SLC39A10: variants seen among roughly 807,000 people sequenced by gnomAD.
The protein encoded by SLC39A10 is zinc transporter ZIP10.
Under a neutral mutation model 65.1 loss-of-function variants are expected in SLC39A10, and 13 were observed. The observed-to-expected ratio is 0.20, with a 90% CI of 0.13 to 0.32. The LOEUF is 0.32. Among genes scored for constraint, SLC39A10 ranks in the 10% least tolerant of loss-of-function variants. The pLI, the probability that SLC39A10 is intolerant of heterozygous loss-of-function variation, is 1.00. For synonymous variants in SLC39A10, 321 were observed against 342.2 expected, an observed-to-expected ratio of 0.94 and a Z score of 0.68; for missense variants, 831 against 1,018.4, an observed-to-expected ratio of 0.82 and a Z score of 2.50.
chr2:195,684,379 T>A (rs970813211), intron 3 of SLC39A10, among the ~76,000 whole-genome samples: 14 of 152,098 alleles, frequency 9.2e-5, no homozygotes, highest in Non-Finnish European at 1.8e-4. Context: ...ACATGTGAAC[T>A]TTATTATGGG....
chr2:195,645,289 T>C (rs1241140329), intron 2 of SLC39A10, among the ~76,000 whole-genome samples: 1 of 152,150 alleles, frequency 6.6e-6, no homozygotes, highest in Non-Finnish European at 1.5e-5. Flanking sequence ...TGTCATTGCC[T>C]ATACATTTTG....
At chr2:195,668,074 A>G (rs978703762) in intron 1 of SLC39A10, among the ~76,000 whole-genome samples, 1 of 152,198 alleles carries the variant, frequency 6.6e-6, no homozygotes, top group African/African-American at 2.4e-5. Flanking sequence ...GATCTCTAAC[A>G]TCTTTGACTC....
At chr2:195,694,013 C>T (rs1330085912) in intron 3 of SLC39A10, among the ~76,000 whole-genome samples, 1 of 152,144 alleles carries the variant, frequency 6.6e-6, no homozygotes, top group Non-Finnish European at 1.5e-5. Flanking sequence ...TATTATCGCT[C>T]AGTTCAGATA....
At chr2:195,673,110 A>G (rs1216006859) in intron 1 of SLC39A10, among the ~76,000 whole-genome samples, 3 of 152,224 alleles carry the variant, frequency 2.0e-5, no homozygotes, top group Admixed American at 6.5e-5. Context: ...TGCTTAACCT[A>G]TATATGCCAT....
At chr2:195,698,369 T>G (rs1228636464) in intron 3 of SLC39A10, among the ~76,000 whole-genome samples, 2 of 152,172 alleles carry the variant, frequency 1.3e-5, no homozygotes, top group East Asian at 1.9e-4. Flanking sequence ...TGAATAGAAG[T>G]GATGAAAGCA....
At chr2:195,616,559 C>T (rs1458878897) in intron 2 of SLC39A10, among the ~76,000 whole-genome samples, 1 of 151,718 alleles carries the variant, frequency 6.6e-6, no homozygotes, top group African/African-American at 2.4e-5. Context: ...CCCACCTTGG[C>T]CCCTCAAAGT....
At chr2:195,682,015 G>C (rs765718088) in intron 2 of SLC39A10, among the ~76,000 whole-genome samples, 3 of 152,070 alleles carry the variant, frequency 2.0e-5, no homozygotes, top group Non-Finnish European at 4.4e-5. Context: ...ATATAAAAAG[G>C]TATAATAATA....
intron 6 of SLC39A10, 22 bp from the exon 7 acceptor site, chr2:195,716,615 A>G (rs1260237129): frequency 1.3e-6 from 2 of 1,566,114 alleles, no homozygotes; most frequent in Non-Finnish European, 1.7e-6. Context: ...TTGATAAAGC[A>G]TATCCTTTGC....
rs972560758 is a variant in SLC39A10 at position 195,735,938 on chromosome 2, A to G, written c.*897A>G. On this transcript the variant is annotated 3_prime_UTR_variant, in exon 10 of 10. Transcript: ENST00000359634. The stretch of plus-strand genomic sequence containing the variant: ...TTAAATAGTTGATTTTCCTATTTTA[A>G]CAGTACCAACTAGTTAATTGGGAAA... 6 of 151,934 alleles carry G rather than the reference A, an allele frequency of 3.9e-5. No individual in the cohort carries two copies. The highest frequency in any genetic ancestry group is 7.4e-5 in the Non-Finnish European group (5 of 68,006). The allele number at this position is 151,934 out of a possible 1,614,324, so 9.4% of individuals were successfully genotyped here. A position where few individuals can be genotyped will look rare whatever the true frequency, so the allele number is the denominator to read the frequency against.
chr2:195,721,994 C>T (rs1368303016), intron 8 of SLC39A10, among the ~76,000 whole-genome samples: 1 of 152,164 alleles, frequency 6.6e-6, no homozygotes, highest in Non-Finnish European at 1.5e-5. Context: ...GAAGGAGTGA[C>T]ACACAAGGGC....
intron 2 of SLC39A10, among the ~76,000 whole-genome samples, chr2:195,646,279 C>T (rs1024491918): frequency 6.6e-5 from 10 of 152,180 alleles, no homozygotes; most frequent in Non-Finnish European, 1.2e-4. Context: ...TTTACTTAAG[C>T]GTACCCTGAT....
At chr2:195,614,881 C>T (rs1688173383) in intron 2 of SLC39A10, among the ~76,000 whole-genome samples, 1 of 152,050 alleles carries the variant, frequency 6.6e-6, no homozygotes, top group African/African-American at 2.4e-5. Context: ...TAGCAAGACC[C>T]TGCTACAAAA....
chr2:195,640,834 G>A (rs903352261), intron 2 of SLC39A10, among the ~76,000 whole-genome samples: 4 of 152,184 alleles, frequency 2.6e-5, no homozygotes, highest in East Asian at 1.9e-4. Context: ...CAAAAAAAGC[G>A]AGAGAGAGTT....
At chr2:195,715,231 A>C (rs1428753090) in intron 6 of SLC39A10, among the ~76,000 whole-genome samples, 5 of 152,198 alleles carry the variant, frequency 3.3e-5, no homozygotes, top group Non-Finnish European at 5.9e-5. Flanking sequence ...ACTCTCTTAG[A>C]AACTCAAGAC....
chr2:195,685,057 T>C (rs1382118925), intron 3 of SLC39A10, among the ~76,000 whole-genome samples: 1 of 152,188 alleles, frequency 6.6e-6, no homozygotes, highest in Non-Finnish European at 1.5e-5. Flanking sequence ...GATTTAGTCC[T>C]GTAACCATTT....
intron 5 of SLC39A10, among the ~76,000 whole-genome samples, chr2:195,712,775 G>A (rs144989258): frequency 2.0e-5 from 3 of 152,210 alleles, no homozygotes; most frequent in African/African-American, 7.2e-5. Context: ...AACTAATTAA[G>A]GACAGATTAA....
Position 195,649,533 on chromosome 2 carries a change from T to C in SLC39A10, c.-11-30499T>C, listed in dbSNP as rs527262558. On this transcript the variant is annotated intron_variant, in intron 2 of 2. Transcript: ENST00000458054. ...AGGCAAAATTTGAAATTTGATCTTATGTGATGACATTTTAAAATGGATGTA... is the reference window on the plus strand; with the variant it reads ...AGGCAAAATTTGAAATTTGATCTTACGTGATGACATTTTAAAATGGATGTA... Among the ~76,000 whole-genome samples, 17 of 110,966 alleles carry C rather than the reference T, an allele frequency of 1.5e-4. No individual in the cohort carries two copies. The East Asian group carries it at 2.9e-3, about 19-fold the overall frequency. 72.8% of individuals were successfully genotyped at this position (110,966 alleles called of 152,430 possible).
chr2:195,715,300 G>T (rs1364781863), intron 6 of SLC39A10, among the ~76,000 whole-genome samples: 1 of 151,784 alleles, frequency 6.6e-6, no homozygotes, highest in Non-Finnish European at 1.5e-5. Flanking sequence ...GGCCAAGGTG[G>T]GCAGATCAAG....
upstream of SLC39A10, among the ~76,000 whole-genome samples, chr2:195,651,938 A>G (rs1041068584): frequency 2.0e-5 from 3 of 152,194 alleles, no homozygotes; most frequent in African/African-American, 7.2e-5. Flanking sequence ...TGAGCCAAAC[A>G]TGAGTGACCA....
Sources: allele counts gnomAD v4.1 joint callset (sites outside exome capture counted in the v4.1 genomes callset), GRCh38; gene constraint gnomAD v4.1.1; transcripts MANE v1.5; gene names NCBI Gene and HGNC (gene_info 2026-07-23, HGNC 2026-07-21).